The following CTNND2 variants were observed in gnomAD, a reference collection of about 807,000 sequenced individuals.
CTNND2 encodes catenin delta-2.
Under a neutral mutation model 144.4 loss-of-function variants are expected in CTNND2, and 22 were observed. That is an observed-to-expected ratio of 0.15 (90% CI 0.11 to 0.22). The LOEUF (loss-of-function observed/expected upper bound fraction) is 0.22, where lower values mean the gene tolerates loss of function less well. Ranked by LOEUF, CTNND2 falls within the 10% of genes least tolerant of loss-of-function variation. The pLI, the probability that CTNND2 is intolerant of heterozygous loss-of-function variation, is 1.00. For missense variants in CTNND2, 1,353 were observed against 1,618.8 expected (o/e 0.84, Z 2.82); for synonymous variants, 751 against 695.6 (o/e 1.08, Z -1.25).
chr5:11,739,629 A>G (rs943852389), intron 1 of CTNND2, among the ~76,000 whole-genome samples: 1 of 152,084 alleles, frequency 6.6e-6, no homozygotes, highest in Non-Finnish European at 1.5e-5. Flanking sequence ...CCCTTTGAAA[A>G]CCAGTACAAG....
intron 14 of CTNND2, 36 bp downstream of exon 14, chr5:11,110,822 G>T (rs772224644): frequency 6.3e-7 from 1 of 1,577,268 alleles, no homozygotes; most frequent in Non-Finnish European, 8.7e-7. Flanking sequence ...ATTAGGAAGG[G>T]GATAATTGCA....
At chr5:11,740,023 C>T (rs1021352924) in intron 1 of CTNND2, among the ~76,000 whole-genome samples, 5 of 152,166 alleles carry the variant, frequency 3.3e-5, no homozygotes, top group African/African-American at 1.2e-4. Context: ...AAAACCACTG[C>T]TCAACGAAAT....
At chr5:11,020,374 GT>G (rs1452329477) in intron 17 of CTNND2, among the ~76,000 whole-genome samples, 1 of 152,038 alleles carries the variant, frequency 6.6e-6, no homozygotes, top group East Asian at 1.9e-4. Context: ...CTAGAAATAA[GT>G]TTTTAAGGAA....
At chr5:11,858,095 C>T (rs1177612843) in intron 1 of CTNND2, among the ~76,000 whole-genome samples, 1 of 152,138 alleles carries the variant, frequency 6.6e-6, no homozygotes. Context: ...CAGCCATGGA[C>T]CATTTTTTAA....
At chr5:11,668,711 C>T (rs1014165744) in intron 2 of CTNND2, among the ~76,000 whole-genome samples, 16 of 152,216 alleles carry the variant, frequency 1.1e-4, no homozygotes, top group African/African-American at 3.1e-4. Context: ...CATCTGCAAA[C>T]GGGGACAATA....
chr5:11,081,101 C>T (rs1459116550), intron 16 of CTNND2, among the ~76,000 whole-genome samples: 1 of 151,412 alleles, frequency 6.6e-6, no homozygotes, highest in African/African-American at 2.4e-5. Flanking sequence ...CACACACACA[C>T]ACACACTCAC....
intron 2 of CTNND2, among the ~76,000 whole-genome samples, chr5:11,637,044 T>C (rs1205816303): frequency 1.3e-5 from 2 of 152,290 alleles, no homozygotes; most frequent in South Asian, 2.1e-4. Flanking sequence ...GATGGCAATT[T>C]CAGAATGGCA....
At chr5:11,850,737 C>A (rs1328959485) in intron 1 of CTNND2, among the ~76,000 whole-genome samples, 1 of 152,144 alleles carries the variant, frequency 6.6e-6, no homozygotes, top group South Asian at 2.1e-4. Flanking sequence ...ACAAAAGTTT[C>A]TATTTGAAGT....
At chr5:11,487,941 T>C (rs1167917406) in intron 3 of CTNND2, among the ~76,000 whole-genome samples, 1 of 152,140 alleles carries the variant, frequency 6.6e-6, no homozygotes, top group Non-Finnish European at 1.5e-5. Flanking sequence ...GGAGGCTGTA[T>C]ATCAGGCAGC....
intron 1 of CTNND2, among the ~76,000 whole-genome samples, chr5:11,778,558 A>C (rs1430929449): frequency 6.6e-6 from 1 of 152,168 alleles, no homozygotes; most frequent in Non-Finnish European, 1.5e-5. Context: ...GAAAACAGAA[A>C]AATCCTGGTT....
At chr5:11,880,923 TACC>T (rs1356481767) in intron 1 of CTNND2, among the ~76,000 whole-genome samples, 10 of 146,988 alleles carry the variant, frequency 6.8e-5, no homozygotes, top group East Asian at 2.0e-4. Flanking sequence ...CCACTACTAC[TACC>T]ACTACTACTG....
At chr5:11,720,342 T>C (rs1786599629) in intron 2 of CTNND2, among the ~76,000 whole-genome samples, 1 of 152,216 alleles carries the variant, frequency 6.6e-6, no homozygotes, top group Non-Finnish European at 1.5e-5. Flanking sequence ...CTTAAGTCTT[T>C]GAGTTATTCC....
intron 6 of CTNND2, among the ~76,000 whole-genome samples, chr5:11,389,321 G>A (rs1193958963): frequency 6.6e-6 from 1 of 152,180 alleles, no homozygotes; most frequent in African/African-American, 2.4e-5. Flanking sequence ...GGTAGAGTAT[G>A]GTGCACATTA....
chr5:11,792,465 G>T lies in CTNND2; in HGVS notation c.38-60193C>A, dbSNP rs77196005. Among the ~76,000 whole-genome samples, 1,259 of 152,282 alleles carry T rather than the reference G, an allele frequency of 8.3e-3. 17 individuals are homozygous for T. The highest frequency in any genetic ancestry group is 0.029 in the African/African-American group (1,213 of 41,552). ...AAAAGTATTGGTTAAATCAATGAAT[G>T]CATGAATATTTTATTAACATGGTCT... On this transcript the variant is annotated intron_variant, in intron 1 of 21. Transcript: ENST00000304623.
chr5:11,336,187 C>A (rs1300809992), intron 9 of CTNND2, among the ~76,000 whole-genome samples: 2 of 152,160 alleles, frequency 1.3e-5, no homozygotes, highest in Non-Finnish European at 2.9e-5. Flanking sequence ...TTTCAAAAAT[C>A]TCTGCTTTTG....
chr5:11,322,658 A>G (rs1199913340), intron 9 of CTNND2, among the ~76,000 whole-genome samples: 4 of 152,166 alleles, frequency 2.6e-5, no homozygotes, highest in Non-Finnish European at 4.4e-5. Flanking sequence ...TGACAGCTAT[A>G]GGATAAAAAG....
chr5:11,606,399 T>C (rs554158699), intron 2 of CTNND2, among the ~76,000 whole-genome samples: 2 of 152,164 alleles, frequency 1.3e-5, no homozygotes, highest in East Asian at 3.9e-4. Flanking sequence ...AATACAAAAC[T>C]AACACAGCAG....
chr5:11,224,279 T>G (rs1561047951), intron 10 of CTNND2, among the ~76,000 whole-genome samples: 1 of 152,086 alleles, frequency 6.6e-6, no homozygotes, highest in Non-Finnish European at 1.5e-5. Flanking sequence ...ATCCTTCATG[T>G]GTGAAGGACC....
intron 3 of CTNND2, among the ~76,000 whole-genome samples, chr5:11,514,484 C>T (rs780482713): frequency 9.2e-5 from 14 of 152,044 alleles, no homozygotes; most frequent in Non-Finnish European, 1.6e-4. Context: ...AAATATTTAA[C>T]GATTTAAAAA....
Sources: gnomAD v4.1 joint callset for allele counts (sites outside exome capture counted in the v4.1 genomes callset) on GRCh38, gnomAD v4.1.1 for gene constraint, MANE v1.5 for transcripts, NCBI Gene and HGNC (gene_info 2026-07-23, HGNC 2026-07-21) for gene names.